BMERB1: variants seen among roughly 807,000 people sequenced by gnomAD.
BMERB1 encodes the protein bMERB domain containing 1, also known as bMERB domain-containing protein 1.
Under a neutral mutation model 23.6 loss-of-function variants are expected in BMERB1, and 12 were observed. That is an observed-to-expected ratio of 0.51 (90% CI 0.33 to 0.82). The LOEUF is 0.82. Among genes scored for constraint, BMERB1 ranks in the 40% least tolerant of loss-of-function variants. The probability of loss-of-function intolerance (pLI) is 0.03; values close to 1 mark genes in which losing one functional copy is unlikely to be tolerated. For missense variants in BMERB1, 247 were observed against 255.4 expected, an observed-to-expected ratio of 0.97 and a Z score of 0.22; for synonymous variants, 122 against 96.6, an observed-to-expected ratio of 1.26 and a Z score of -1.54.
At chr16:15,509,110 G>T (rs532561313) in intron 1 of BMERB1, among the ~76,000 whole-genome samples, 1 of 152,162 alleles carries the variant, frequency 6.6e-6, no homozygotes, top group Admixed American at 6.5e-5. Context: ...TTCCTGGGAT[G>T]TGATTAATTC....
intron 1 of BMERB1, among the ~76,000 whole-genome samples, chr16:15,475,362 C>T (rs59090797): frequency 0.028 from 4,246 of 152,208 alleles, 186 homozygotes; most frequent in South Asian, 0.11. Flanking sequence ...ACACCAGCTG[C>T]GAGTTTGGGG....
At chr16:15,459,987 CT>C (rs1465875335) in intron 1 of BMERB1, among the ~76,000 whole-genome samples, 1 of 152,156 alleles carries the variant, frequency 6.6e-6, no homozygotes, top group East Asian at 1.9e-4. Flanking sequence ...TACCTCATTC[CT>C]TAGTCATCCT....
At chr16:15,534,035 T>G (rs918605915) in intron 2 of BMERB1, among the ~76,000 whole-genome samples, 2 of 152,010 alleles carry the variant, frequency 1.3e-5, no homozygotes, top group African/African-American at 4.8e-5. Flanking sequence ...CAACTGAATA[T>G]GAAACTCAGA....
intron 1 of BMERB1, among the ~76,000 whole-genome samples, chr16:15,500,140 C>G (rs950492509): frequency 6.6e-6 from 1 of 152,168 alleles, no homozygotes; most frequent in Non-Finnish European, 1.5e-5. Context: ...ACAGAGATAC[C>G]TGTGTCCTTC....
intron 2 of BMERB1, among the ~76,000 whole-genome samples, chr16:15,557,058 A>C (rs951023089): frequency 1.3e-5 from 2 of 152,134 alleles, no homozygotes; most frequent in African/African-American, 4.8e-5. Flanking sequence ...CAAGCTGCTG[A>C]TGCCTCCATT....
chr16:15,502,499 T>A, intron 1 of BMERB1: 2 of 829,704 alleles, frequency 2.4e-6, no homozygotes, highest in Non-Finnish European at 4.0e-6. Context: ...GGTGACTCAT[T>A]AAAAGCAACG....
intron 3 of BMERB1, among the ~76,000 whole-genome samples, chr16:15,573,300 G>A (rs890204068): frequency 6.6e-6 from 1 of 152,168 alleles, no homozygotes; most frequent in African/African-American, 2.4e-5. Context: ...GACTTATCAA[G>A]ACTGGGGAAT....
intron 1 of BMERB1, among the ~76,000 whole-genome samples, chr16:15,466,203 G>A (rs754082165): frequency 1.3e-5 from 2 of 152,208 alleles, no homozygotes; most frequent in Non-Finnish European, 2.9e-5. Flanking sequence ...TGTCCCAGCA[G>A]GTGGTAATAA....
chr16:15,540,904 T>G (rs2052071803), intron 2 of BMERB1, among the ~76,000 whole-genome samples: 1 of 152,170 alleles, frequency 6.6e-6, no homozygotes, highest in Admixed American at 6.5e-5. Flanking sequence ...CTACACTAAG[T>G]CTCTGATTCT....
At chr16:15,574,773 T>C (rs1354722609) in intron 3 of BMERB1, among the ~76,000 whole-genome samples, 1 of 152,150 alleles carries the variant, frequency 6.6e-6, no homozygotes, top group Non-Finnish European at 1.5e-5. Context: ...GAAGAGAAGC[T>C]TTGTTTAAAA....
intron 1 of BMERB1, among the ~76,000 whole-genome samples, chr16:15,490,374 C>G (rs1424998647): frequency 6.6e-6 from 1 of 152,178 alleles, no homozygotes; most frequent in Non-Finnish European, 1.5e-5. Context: ...CCTTTAACTC[C>G]TAGGCTCAAG....
chr16:15,530,633 T>C (rs563663471), intron 2 of BMERB1, among the ~76,000 whole-genome samples: 26 of 152,196 alleles, frequency 1.7e-4, no homozygotes, highest in African/African-American at 6.0e-4. Context: ...CCAAATCTTA[T>C]CCTGAATTGT....
intron 2 of BMERB1, among the ~76,000 whole-genome samples, chr16:15,524,478 A>G (rs1218453050): frequency 6.6e-6 from 1 of 152,096 alleles, no homozygotes; most frequent in Non-Finnish European, 1.5e-5. Flanking sequence ...ATGGAGAAAT[A>G]CATGTTAGTC....
rs2031174691 is a variant in BMERB1 at position 15,587,316 on chromosome 16, CTG to C, written c.*490_*491del. ...CCTCCCGTCTGTCCTCTCCCAGCAACTGTGCCCTGGAGGGCTCCACATGGCCC... is the reference window on the plus strand; with the variant it reads ...CCTCCCGTCTGTCCTCTCCCAGCAACTGCCCTGGAGGGCTCCACATGGCCC... On this transcript the variant is annotated 3_prime_UTR_variant, in exon 6 of 6. Coordinates refer to ENST00000300006, the MANE Select transcript of BMERB1 (RefSeq NM_033201.3). The C allele has an allele frequency of 4.2e-5, 10 of 239,618 alleles. 1 individual carries two copies. The highest frequency in any genetic ancestry group is 4.0e-4 in the South Asian group (10 of 25,002). The allele number at this position is 239,618 out of a possible 1,614,324, so 14.8% of individuals were successfully genotyped here.
At chr16:15,434,856 C>T (rs1420299115) in intron 1 of BMERB1, 97 bp downstream of exon 1, 1 of 1,015,918 alleles carries the variant, frequency 9.8e-7, no homozygotes, top group Non-Finnish European at 1.4e-6. Flanking sequence ...CAGCAGTGGA[C>T]CCAGGGAAGC....
chr16:15,542,954 C>CT (rs973279609), intron 2 of BMERB1, among the ~76,000 whole-genome samples: 3 of 152,134 alleles, frequency 2.0e-5, no homozygotes, highest in Non-Finnish European at 4.4e-5. Context: ...ACGCAGATGA[C>CT]TAAGTGTTAA....
intron 2 of BMERB1, among the ~76,000 whole-genome samples, chr16:15,551,661 A>C (rs1476324858): frequency 6.6e-6 from 1 of 151,986 alleles, no homozygotes; most frequent in Non-Finnish European, 1.5e-5. Context: ...GCTGTGTACC[A>C]GTCTGTTCTG....
At chr16:15,492,927 A>AC (rs375210108) in intron 1 of BMERB1, among the ~76,000 whole-genome samples, 1 of 151,864 alleles carries the variant, frequency 6.6e-6, no homozygotes, top group Non-Finnish European at 1.5e-5. Flanking sequence ...TCAAAAAAAA[A>AC]GAAAAAAAAG....
chr16:15,584,673 C>G (rs1393732573), intron 5 of BMERB1, among the ~76,000 whole-genome samples: 1 of 152,054 alleles, frequency 6.6e-6, no homozygotes, highest in Non-Finnish European at 1.5e-5. Context: ...AAGGACTGAA[C>G]ACTATTACCT....
Sources: allele counts gnomAD v4.1 joint callset (sites outside exome capture counted in the v4.1 genomes callset), GRCh38; gene constraint gnomAD v4.1.1; transcripts MANE v1.5; gene names NCBI Gene and HGNC (gene_info 2026-07-23, HGNC 2026-07-21).